Variants in NCAM1 observed in about 807,000 individuals in gnomAD.
NCAM1 encodes the protein neural cell adhesion molecule 1.
A neutral mutation model predicts 109.8 loss-of-function variants in NCAM1; 14 were observed. The observed-to-expected ratio is 0.13, with a 90% CI of 0.08 to 0.20. NCAM1 has a LOEUF of 0.20. Among genes scored for constraint, NCAM1 ranks in the 10% least tolerant of loss-of-function variants. The pLI, the probability that NCAM1 is intolerant of heterozygous loss-of-function variation, is 1.00. For missense variants in NCAM1, 774 were observed against 1,109.9 expected (o/e 0.70, Z 4.30); for synonymous variants, 418 against 442.9 (o/e 0.94, Z 0.70).
chr11:113,213,471 C>T (rs1206105814), intron 7 of NCAM1, among the ~76,000 whole-genome samples: 1 of 152,184 alleles, frequency 6.6e-6, no homozygotes, highest in Non-Finnish European at 1.5e-5. Flanking sequence ...CAACTCATCT[C>T]CTTCCCATCC....
intron 1 of NCAM1, among the ~76,000 whole-genome samples, chr11:113,060,527 A>G (rs2135480475): frequency 6.6e-6 from 1 of 152,268 alleles, no homozygotes; most frequent in South Asian, 2.1e-4. Context: ...CTAGCTTTGA[A>G]GTTGGTTTAG....
intron 1 of NCAM1, among the ~76,000 whole-genome samples, chr11:113,198,068 A>G (rs1486017365): frequency 6.6e-6 from 1 of 152,214 alleles, no homozygotes; most frequent in African/African-American, 2.4e-5. Flanking sequence ...CACATTTCAA[A>G]ATCTATCAGT....
chr11:113,160,353 T>G (rs1158164299), intron 1 of NCAM1, among the ~76,000 whole-genome samples: 1 of 152,172 alleles, frequency 6.6e-6, no homozygotes, highest in Non-Finnish European at 1.5e-5. Context: ...GGTTACCAAC[T>G]GCCCCAGTTT....
chr11:113,205,374 C>T, intron 3 of NCAM1, 149 bp from the exon 4 acceptor site: 1 of 984,720 alleles, frequency 1.0e-6, no homozygotes, highest in Non-Finnish European at 1.4e-6. Context: ...GCTGCTCTGC[C>T]TGACGTCTCT....
At chr11:113,038,999 A>G (rs1429440248) in intron 1 of NCAM1, among the ~76,000 whole-genome samples, 1 of 152,208 alleles carries the variant, frequency 6.6e-6, no homozygotes, top group Non-Finnish European at 1.5e-5. Context: ...ACGTATGTAA[A>G]TGTCATCCAT....
Position 113,047,331 on chromosome 11 carries a change from T to A in NCAM1, c.52+85667T>A, listed in dbSNP as rs1456864132. Among the ~76,000 whole-genome samples the A allele has an allele frequency of 2.0e-5, 3 of 152,082 alleles. No homozygotes were observed. In the East Asian group the frequency reaches 5.8e-4, roughly 29 times the overall value. ...TATCACACTTAAAATAAAAATAAAA[T>A]AAAATCACACTTAAAATATTTTAAA... On this transcript the variant is annotated intron_variant, in intron 1 of 19. Transcript: ENST00000316851.
At chr11:113,212,016 A>G (rs966611842) in intron 7 of NCAM1, among the ~76,000 whole-genome samples, 4 of 152,190 alleles carry the variant, frequency 2.6e-5, no homozygotes, top group Admixed American at 2.6e-4. Context: ...GTGTAGGAAG[A>G]TGAAACCCAG....
intron 1 of NCAM1, among the ~76,000 whole-genome samples, chr11:113,107,659 CTT>C (rs1940234685): frequency 6.6e-6 from 1 of 152,088 alleles, no homozygotes; most frequent in Non-Finnish European, 1.5e-5. Flanking sequence ...TCTCGTGAGA[CTT>C]TCATTACCAC....
At chr11:113,119,138 C>T (rs1440397556) in intron 1 of NCAM1, among the ~76,000 whole-genome samples, 4 of 97,206 alleles carry the variant, frequency 4.1e-5, no homozygotes, top group Non-Finnish European at 8.9e-5. Flanking sequence ...GTAGAGGTGA[C>T]ATTAGACAGG....
chr11:113,003,263 A>T (rs1951804925), intron 1 of NCAM1, among the ~76,000 whole-genome samples: 1 of 152,240 alleles, frequency 6.6e-6, no homozygotes. Context: ...GTCTCTCCAT[A>T]TCAGAAGAGT....
rs1022803506 is a variant in NCAM1, at chr11:112,965,160, A to G, written c.52+3496A>G. 1.1e-3 allele frequency among the ~76,000 whole-genome samples: 172 copies of G among 152,124 alleles called. 6 individuals carry two copies. Among genetic ancestry groups the G allele is most frequent in the Non-Finnish European group, 3.7e-4 (25 of 68,022 alleles). On this transcript the variant is annotated intron_variant, in intron 1 of 19. Coordinates refer to ENST00000316851, the MANE Select transcript of NCAM1 (RefSeq NM_181351.5). ...GTTTCCTCTAAGTCTTACAATGATA[A>G]TTGATTAAACTAAGAATATGTTGAT...
At chr11:113,255,463 G>A (rs1035519433) in intron 15 of NCAM1, among the ~76,000 whole-genome samples, 4 of 152,052 alleles carry the variant, frequency 2.6e-5, no homozygotes, top group African/African-American at 7.2e-5. Context: ...AATTTTATAG[G>A]TGGGAGTTTC....
At chr11:113,109,844 C>T (rs907949749) in intron 1 of NCAM1, among the ~76,000 whole-genome samples, 13 of 152,164 alleles carry the variant, frequency 8.5e-5, no homozygotes, top group African/African-American at 2.4e-4. Flanking sequence ...CATGCTGTTC[C>T]GGAGGCATCA....
At chr11:113,264,396 A>T in intron 17 of NCAM1, 1 of 985,382 alleles carries the variant, frequency 1.0e-6, no homozygotes, top group Non-Finnish European at 1.2e-6. Context: ...TGCAGACATC[A>T]GAGGCTCCAT....
At chr11:113,214,563 A>T in intron 8 of NCAM1, 52 bp downstream of exon 8, 2 of 1,541,718 alleles carry the variant, frequency 1.3e-6, no homozygotes, top group Non-Finnish European at 1.8e-6. Context: ...CTCAAAGCAG[A>T]TTGAGTCTGC....
chr11:113,122,456 C>T (rs1941006046), intron 1 of NCAM1, among the ~76,000 whole-genome samples: 1 of 152,136 alleles, frequency 6.6e-6, no homozygotes, highest in South Asian at 2.1e-4. Context: ...TTAAATTGAA[C>T]ATTTTTGGTG....
At chr11:113,118,444 GTT>G (rs1472744254) in intron 1 of NCAM1, among the ~76,000 whole-genome samples, 1 of 152,008 alleles carries the variant, frequency 6.6e-6, no homozygotes, top group Admixed American at 6.5e-5. Context: ...AGCTGGGCCA[GTT>G]TCTGTGGCCT....
chr11:113,254,512 T>G (rs605843), intron 15 of NCAM1, among the ~76,000 whole-genome samples: 1 of 151,994 alleles, frequency 6.6e-6, no homozygotes, highest in Non-Finnish European at 1.5e-5. Flanking sequence ...GCTGGCCCTA[T>G]GATGATAAGT....
At chr11:113,195,326 T>G (rs1410641746) in intron 1 of NCAM1, among the ~76,000 whole-genome samples, 1 of 152,090 alleles carries the variant, frequency 6.6e-6, no homozygotes, top group Non-Finnish European at 1.5e-5. Context: ...CGAGATACAT[T>G]TACTTATGTC....
Sources: allele counts gnomAD v4.1 joint callset (sites outside exome capture counted in the v4.1 genomes callset), GRCh38; gene constraint gnomAD v4.1.1; transcripts MANE v1.5; gene names NCBI Gene and HGNC (gene_info 2026-07-23, HGNC 2026-07-21).